PBRM1: variants seen among roughly 807,000 people sequenced by gnomAD.
PBRM1 encodes polybromo 1.
A neutral mutation model predicts 194.5 loss-of-function variants in PBRM1; 27 were observed. The observed-to-expected ratio is 0.14, with a 90% CI of 0.10 to 0.19. PBRM1 has a LOEUF of 0.19. Among genes scored for constraint, PBRM1 ranks in the 10% least tolerant of loss-of-function variants. The pLI, the probability that PBRM1 is intolerant of heterozygous loss-of-function variation, is 1.00. For synonymous variants in PBRM1, 655 were observed against 693.2 expected (o/e 0.94, Z 0.87); for missense variants, 1,466 against 2,077.2 (o/e 0.71, Z 5.72).
intron 2 of PBRM1, among the ~76,000 whole-genome samples, chr3:52,676,780 A>G (rs2097114274): frequency 6.6e-6 from 1 of 152,210 alleles, no homozygotes; most frequent in Non-Finnish European, 1.5e-5. Context: ...GCTTTGACCA[A>G]AAGCCTGATA....
At chr3:52,558,113 G>C (rs2082604594) in intron 26 of PBRM1, 136 bp downstream of exon 28, 1 of 637,078 alleles carries the variant, frequency 1.6e-6, no homozygotes, top group Admixed American at 3.1e-5. Context: ...AGGCAATATA[G>C]GACAACATGG....
chr3:52,603,567 T>C (rs1236135384), exon 17 of PBRM1: 1 of 1,605,382 alleles, frequency 6.2e-7, no homozygotes, highest in African/African-American at 1.3e-5. Context: ...CTATTTCTTT[T>C]GGCAATTTTT....
intron 10 of PBRM1, among the ~76,000 whole-genome samples, chr3:52,638,420 G>C (rs185618641): frequency 6.6e-6 from 1 of 150,978 alleles, no homozygotes; most frequent in Non-Finnish European, 1.5e-5. Flanking sequence ...GTGCGATGGC[G>C]TGATCTCAGC....
At chr3:52,661,955 C>T (rs2096734622) in intron 4 of PBRM1, among the ~76,000 whole-genome samples, 178 bp downstream of exon 5, 2 of 152,014 alleles carry the variant, frequency 1.3e-5, no homozygotes, top group Admixed American at 1.3e-4. Context: ...CCAGGATATC[C>T]TAGGATCCCT....
At chr3:52,668,585 C>T (rs1271552408) in exon 3 of PBRM1, 1 of 1,605,648 alleles carries the variant, frequency 6.2e-7, no homozygotes, top group South Asian at 1.1e-5. Context: ...TTTTTAGTTT[C>T]TGTTGGATTT....
At chr3:52,546,315 T>C (rs929442737), downstream of PBRM1, 1 of 232,510 alleles carries the variant, frequency 4.3e-6, no homozygotes, top group South Asian at 1.8e-4. Flanking sequence ...ATTGCCCAAA[T>C]AGCCAGGAAT....
intron 20 of PBRM1, among the ~76,000 whole-genome samples, chr3:52,584,795 T>G (rs962450339): frequency 3.9e-5 from 6 of 152,174 alleles, no homozygotes; most frequent in African/African-American, 1.4e-4. Flanking sequence ...TGCTTTTGTT[T>G]ATCTAACTAC....
intron 10 of PBRM1, among the ~76,000 whole-genome samples, chr3:52,641,493 T>C (rs889285296): frequency 7.9e-6 from 1 of 126,296 alleles, no homozygotes; most frequent in Non-Finnish European, 1.8e-5. Context: ...GAAAAGAATA[T>C]ACCAGAATAA....
downstream of PBRM1, chr3:52,546,978 A>C (rs914774094): frequency 8.6e-6 from 2 of 233,156 alleles, no homozygotes; most frequent in African/African-American, 4.4e-5. Flanking sequence ...AAGGAATACT[A>C]AAACATACTT....
intron 15 of PBRM1, among the ~76,000 whole-genome samples, chr3:52,612,290 C>CAATCAGTT (rs2094677581): frequency 1.2e-5 from 1 of 84,670 alleles, no homozygotes; most frequent in Non-Finnish European, 2.5e-5. Context: ...AAAGAGGTAT[C>CAATCAGTT]AATCAGTTGC....
At chr3:52,644,076 ATAT>A (rs1215140700) in intron 8 of PBRM1, among the ~76,000 whole-genome samples, 2 of 151,790 alleles carry the variant, frequency 1.3e-5, no homozygotes, top group African/African-American at 4.8e-5. Context: ...CATACTACTA[ATAT>A]TATATATAAA....
chr3:52,579,322 G>A (rs2090490094), intron 20 of PBRM1, 123 bp from the exon 23 acceptor site: 3 of 871,486 alleles, frequency 3.4e-6, no homozygotes, highest in South Asian at 1.6e-5. Flanking sequence ...TGGTTACGTG[G>A]CTCACGTAAT....
chr3:52,682,728 G>A (rs931175655), upstream of PBRM1, among the ~76,000 whole-genome samples: 1 of 152,122 alleles, frequency 6.6e-6, no homozygotes, highest in Non-Finnish European at 1.5e-5. Flanking sequence ...GCTTGATGTT[G>A]TCTGATTAGT....
At chr3:52,614,400 C>CAAAAAAAAAAAAAAAAAAAAA (rs1482035931) in intron 15 of PBRM1, among the ~76,000 whole-genome samples, 1 of 98,040 alleles carries the variant, frequency 1.0e-5, no homozygotes. Context: ...AAAAAAAAAG[C>CAAAAAAAAAAAAAAAAAAAAA]AAAAAAGCTA....
chr3:52,643,385 G>A (rs1438677299), intron 8 of PBRM1, 42 bp from the exon 10 acceptor site: 16 of 1,243,864 alleles, frequency 1.3e-5, no homozygotes, highest in Non-Finnish European at 1.9e-5. Context: ...CTTGGTAGCT[G>A]AAATTAGAGT....
chr3:52,648,367 C>T (rs2153779259), exon 7 of PBRM1: 4 of 1,605,314 alleles, frequency 2.5e-6, no homozygotes, highest in Non-Finnish European at 3.4e-6. Context: ...GAGCCAGGCT[C>T]ATTATAAGTT....
At chr3:52,572,749 G>A (rs1301876155) in intron 22 of PBRM1, among the ~76,000 whole-genome samples, 2 of 152,100 alleles carry the variant, frequency 1.3e-5, no homozygotes, top group Admixed American at 6.6e-5. Context: ...GGAAAAACAG[G>A]ATTGTCTCCT....
chr3:52,582,140 G>A (rs1290262999), intron 20 of PBRM1, among the ~76,000 whole-genome samples: 1 of 150,652 alleles, frequency 6.6e-6, no homozygotes, highest in African/African-American at 2.4e-5. Flanking sequence ...TACTCAGGAG[G>A]CTAAGACAGG....
At chr3:52,613,194 T>C (rs530707345) in intron 15 of PBRM1, among the ~76,000 whole-genome samples, 63 of 152,192 alleles carry the variant, frequency 4.1e-4, no homozygotes, top group Non-Finnish European at 6.9e-4. Context: ...CATACTGAAC[T>C]ATGTGGAAGT....
Sources: allele counts gnomAD v4.1 joint callset (sites outside exome capture counted in the v4.1 genomes callset), GRCh38; gene constraint gnomAD v4.1.1; transcripts MANE v1.5; gene names NCBI Gene and HGNC (gene_info 2026-07-23, HGNC 2026-07-21).